LAMC3: variants seen among roughly 807,000 people sequenced by gnomAD.
LAMC3 encodes the protein laminin subunit gamma-3.
A neutral mutation model predicts 173.8 loss-of-function variants in LAMC3; 128 were observed. The observed-to-expected ratio is 0.74, with a 90% CI of 0.64 to 0.85. The LOEUF is 0.85. Among genes scored for constraint, LAMC3 ranks in the 40% least tolerant of loss-of-function variants. The pLI is 0.00. For synonymous variants in LAMC3, 897 were observed against 909.1 expected, an observed-to-expected ratio of 0.99 and a Z score of 0.24; for missense variants, 2,022 against 2,156.0, an observed-to-expected ratio of 0.94 and a Z score of 1.23.
chr9:131,031,479 G>A (rs1235428986), intron 2 of LAMC3, among the ~76,000 whole-genome samples: 3 of 152,218 alleles, frequency 2.0e-5, no homozygotes, highest in Non-Finnish European at 4.4e-5. Flanking sequence ...CAGGTGACCT[G>A]TCCACAGGAG....
At chr9:131,080,691 C>A (rs374742415) in intron 23 of LAMC3, among the ~76,000 whole-genome samples, 17 of 152,074 alleles carry the variant, frequency 1.1e-4, no homozygotes, top group African/African-American at 4.1e-4. Context: ...GGCTTTGCCC[C>A]CGGGGTAGCA....
intron 2 of LAMC3, among the ~76,000 whole-genome samples, chr9:131,028,576 C>T (rs544646020): frequency 2.1e-4 from 32 of 152,160 alleles, no homozygotes; most frequent in East Asian, 9.7e-4. Flanking sequence ...TTTAGTGGTT[C>T]GCTATAAGGA....
chr9:131,032,657 T>C (rs1475876265), intron 3 of LAMC3, among the ~76,000 whole-genome samples: 1 of 137,168 alleles, frequency 7.3e-6, no homozygotes, highest in African/African-American at 2.8e-5. Flanking sequence ...TCACTCACTC[T>C]CTCTCACTCT....
intron 8 of LAMC3, among the ~76,000 whole-genome samples, chr9:131,046,673 C>A (rs1000825833): frequency 2.6e-5 from 4 of 151,498 alleles, no homozygotes; most frequent in African/African-American, 9.7e-5. Context: ...TGCCCTTAAC[C>A]GCTGTGGTGG....
Position 131,048,859 on chromosome 9 carries a change from C to G in LAMC3, c.1520-161C>G, listed in dbSNP as rs529143542. ...AACCCCACTGAAAGGGCAGGGCAGG[C>G]TTCCAGGTCTGACCATGCCCCCAAG... On this transcript the variant is annotated intron_variant, in intron 8 of 27. Coordinates refer to ENST00000361069, the MANE Select transcript of LAMC3 (RefSeq NM_006059.4). Among the ~76,000 whole-genome samples the G allele has an allele frequency of 1.1e-4, 17 of 152,160 alleles. No individual in the cohort carries two copies. The East Asian group carries it at 3.3e-3, about 30-fold the overall frequency.
Position 131,047,946 on chromosome 9 carries a change from C to T in LAMC3, c.1520-1074C>T, listed in dbSNP as rs1834203355. The stretch of plus-strand genomic sequence containing the variant: ...ATTTTTTTAGCAGAGACGGGGTTTG[C>T]CATGTTGACCAGGATGGTCTTGATC... On this transcript the variant is annotated intron_variant, in intron 8 of 27. Transcript: ENST00000361069. Among the ~76,000 whole-genome samples, 3 of 147,260 alleles carry T rather than the reference C, an allele frequency of 2.0e-5. No individual in the cohort carries two copies. In the South Asian group the frequency reaches 6.5e-4, roughly 32 times the overall value.
At chr9:131,071,646 G>A (rs763132203) in intron 18 of LAMC3, 21 bp downstream of exon 18, 19 of 1,527,648 alleles carry the variant, frequency 1.2e-5, no homozygotes, top group African/African-American at 6.9e-5. Flanking sequence ...AGCGCAGAGC[G>A]GGAGGGTGGG....
At chr9:131,027,333 C>T (rs776685223) in intron 2 of LAMC3, among the ~76,000 whole-genome samples, 3 of 152,336 alleles carry the variant, frequency 2.0e-5, no homozygotes, top group African/African-American at 7.2e-5. Context: ...CAGAACTCTC[C>T]GCTGAGGGGC....
chr9:131,027,187 A>C (rs902720812), intron 2 of LAMC3, among the ~76,000 whole-genome samples: 2 of 152,204 alleles, frequency 1.3e-5, no homozygotes, highest in South Asian at 4.1e-4. Flanking sequence ...AGGGCTGTCA[A>C]CCCACCTGGC....
At chr9:131,037,386 G>A (rs919404547) in intron 4 of LAMC3, among the ~76,000 whole-genome samples, 2 of 152,158 alleles carry the variant, frequency 1.3e-5, no homozygotes, top group African/African-American at 4.8e-5. Flanking sequence ...CATCGCTCCA[G>A]TCTGTCTAAC....
chr9:131,091,585 A>C lies in LAMC3; in HGVS notation c.4526A>C (p.Gln1509Pro). The change falls in exon 28 of 28, where the codon CAG (glutamine) becomes CCG (proline). Residue 1509 changes from glutamine (Q) to proline (P), a missense_variant. Coordinates refer to ENST00000361069, the MANE Select transcript of LAMC3 (RefSeq NM_006059.4). ...QAPAQALNET[Q>P]WALERLRLQL... ...CCAGCCCAGGCCCTGAACGAGACTC[A>C]GTGGGCACTAGAACGCCTGAGGCTG... The C allele has an allele frequency of 1.3e-6, 2 of 1,591,322 alleles. No individual in the cohort carries two copies. The highest frequency in any genetic ancestry group is 8.6e-7 in the Non-Finnish European group (1 of 1,169,064).
At chr9:131,032,015 G>A (rs1008505134) in intron 2 of LAMC3, 30 bp from the exon 3 acceptor site, 3 of 1,614,060 alleles carry the variant, frequency 1.9e-6, no homozygotes, top group African/African-American at 2.7e-5. Context: ...TCAGGAACCT[G>A]CTGATGGCAC....
chr9:131,061,472 G>T (rs776568754), intron 13 of LAMC3, among the ~76,000 whole-genome samples: 1 of 152,192 alleles, frequency 6.6e-6, no homozygotes, highest in Non-Finnish European at 1.5e-5. Context: ...GAAAATACCC[G>T]TATCTGGTCC....
At chr9:131,046,987 G>T (rs1033943877) in intron 8 of LAMC3, among the ~76,000 whole-genome samples, 1 of 152,098 alleles carries the variant, frequency 6.6e-6, no homozygotes, top group Non-Finnish European at 1.5e-5. Flanking sequence ...GGGTCCGGGG[G>T]TCTAGGGTGT....
chr9:131,039,759 G>A (rs1299417212), intron 6 of LAMC3, among the ~76,000 whole-genome samples: 1 of 151,932 alleles, frequency 6.6e-6, no homozygotes, highest in East Asian at 1.9e-4. Context: ...GGAAGAAGAG[G>A]TGGAGGCTGA....
intron 1 of LAMC3, chr9:131,021,374 A>G (rs902782630): frequency 3.3e-5 from 5 of 152,134 alleles, no homozygotes; most frequent in African/African-American, 1.2e-4. Flanking sequence ...TCCCACCCAC[A>G]GTGCATGAGG....
chr9:131,082,087 C>A lies in LAMC3; in HGVS notation c.3956C>A (p.Thr1319Asn), dbSNP rs758113813. Residue 1319 changes from threonine to asparagine, a missense_variant, in exon 24 of 28, where the codon ACC becomes AAC. Coordinates refer to ENST00000361069, the MANE Select transcript of LAMC3 (RefSeq NM_006059.4). ...KLHQEARAALTQASSSVQAAT... is the reference protein window; with the variant it reads ...KLHQEARAALNQASSSVQAAT... ...CACCAGGAGGCCAGAGCCGCCCTGA[C>A]CCAGGCTTCCTCATCTGTCCAGGCT... 6.2e-7 allele frequency: 1 copy of A among 1,613,954 alleles called. No homozygotes were observed. Among genetic ancestry groups the A allele is most frequent in the Non-Finnish European group, 8.5e-7 (1 of 1,179,922 alleles).
intron 3 of LAMC3, among the ~76,000 whole-genome samples, chr9:131,032,533 T>TC (rs1833848520): frequency 3.1e-5 from 2 of 64,872 alleles, no homozygotes; most frequent in African/African-American, 9.3e-5. Flanking sequence ...TCTCTCTCGC[T>TC]GTCTCTCTCT....
rs1348743522 is a variant in LAMC3 at position 131,072,630 on chromosome 9, G to A, written c.3212G>A (p.Gly1071Glu). 2 of 1,608,020 alleles carry A rather than the reference G, an allele frequency of 1.2e-6. No individual in the cohort carries two copies. Among genetic ancestry groups the A allele is most frequent in the Non-Finnish European group, 1.7e-6 (2 of 1,178,572 alleles). The change falls in exon 19 of 28, where the codon GGG becomes GAG. Residue 1071 changes from glycine to glutamate, a missense_variant and splice_region_variant. Transcript: ENST00000361069. The stretch of plus-strand genomic sequence containing the variant: ...CCCCTGGGCTGTGGGCTTCCCATAG[G>A]GGCTCGGGAAGCCTTCCTGGAGCAG... ...DVYQGHHLLPGAREAFLEQMM... is the reference protein window; with the variant it reads ...DVYQGHHLLPEAREAFLEQMM...
Sources: allele counts gnomAD v4.1 joint callset (sites outside exome capture counted in the v4.1 genomes callset), GRCh38; gene constraint gnomAD v4.1.1; transcripts MANE v1.5; gene names NCBI Gene and HGNC (gene_info 2026-07-23, HGNC 2026-07-21).